The following TCF7L1 variants were observed in gnomAD, a reference collection of about 807,000 sequenced individuals.
The protein encoded by TCF7L1 is transcription factor 7-like 1.
In TCF7L1, 18 loss-of-function variants were observed where a neutral mutation model predicts 63.7. The observed-to-expected ratio is 0.28, with a 90% CI of 0.20 to 0.42. The LOEUF (loss-of-function observed/expected upper bound fraction) is 0.42. TCF7L1 is among the 10% of genes least tolerant of loss of function. TCF7L1 has a pLI of 1.00. For synonymous variants in TCF7L1, 355 were observed against 340.9 expected (o/e 1.04, Z -0.46); for missense variants, 654 against 779.3 (o/e 0.84, Z 1.91).
intron 3 of TCF7L1, among the ~76,000 whole-genome samples, chr2:85,176,986 CAAAAAAAAAA>C (rs774094748): frequency 3.0e-5 from 2 of 66,808 alleles, no homozygotes; most frequent in Non-Finnish European, 6.6e-5. Flanking sequence ...GACTCTGTCT[CAAAAAAAAAA>C]AAAAAAAAAA....
At chr2:85,262,028 A>G (rs1680867857) in intron 3 of TCF7L1, 3 of 526,266 alleles carry the variant, frequency 5.7e-6, no homozygotes, top group Non-Finnish European at 1.1e-5. Flanking sequence ...TTCTCACTTC[A>G]TTGATCATTT....
At chr2:85,180,217 T>G (rs532071022) in intron 3 of TCF7L1, among the ~76,000 whole-genome samples, 23 of 150,542 alleles carry the variant, frequency 1.5e-4, no homozygotes, top group African/African-American at 5.7e-4. Context: ...GTGGTTTTTT[T>G]TTTTGTTTTT....
At chr2:85,246,068 G>A (rs758343991) in intron 3 of TCF7L1, among the ~76,000 whole-genome samples, 11 of 152,164 alleles carry the variant, frequency 7.2e-5, no homozygotes, top group South Asian at 6.2e-4. Context: ...ATGCAATGGT[G>A]TTATTTATTG....
chr2:85,303,954 G>A lies in TCF7L1; in HGVS notation c.718G>A (p.Ala240Thr). Residue 240 changes from alanine to threonine, a missense_variant, in exon 6 of 12, where the codon GCT (alanine) becomes ACT (threonine). Around this residue, in one of 3 missense-constraint regions of TCF7L1, gnomAD observed 404 missense variants for 454.8 expected, o/e 0.89. Transcript: ENST00000282111. ...LSPYYPLSPG[A>T]VGQIPHPLGW... ...ACCGTATTACCCACTCTCTCCCGGAGCTGTCGGACAAATCCCCCACCCCCT... is the reference window on the plus strand; with the variant it reads ...ACCGTATTACCCACTCTCTCCCGGAACTGTCGGACAAATCCCCCACCCCCT... 1.2e-6 allele frequency: 2 copies of A among 1,613,720 alleles called. No homozygotes were observed. The highest frequency in any genetic ancestry group is 1.7e-6 in the Non-Finnish European group (2 of 1,179,830).
chr2:85,134,589 TCTGGCGG>T lies in TCF7L1; in HGVS notation c.441+141_441+147del. The T allele has an allele frequency of 4.0e-6, 5 of 1,262,080 alleles. No individual in the cohort carries two copies. Among genetic ancestry groups the T allele is most frequent in the Non-Finnish European group, 5.3e-6 (5 of 940,742 alleles). 78.2% of individuals were successfully genotyped at this position (1,262,080 alleles called of 1,614,324 possible). A position where few individuals can be genotyped will look rare whatever the true frequency, so the allele number is the denominator to read the frequency against. ...ACTTGTTTGCGGAGTTGAACTACTC[TCTGGCGG>T]CCGAGCGCGAGGCTGCGCTGGCCAG... On this transcript the variant is annotated intron_variant, in intron 3 of 11. Transcript: ENST00000282111. This position sits in a 1 kb window ranked among gnomAD's most constrained non-coding sequence, Gnocchi z 5.0.
At chr2:85,302,932 C>A (rs1357539542) in intron 5 of TCF7L1, among the ~76,000 whole-genome samples, 4 of 152,262 alleles carry the variant, frequency 2.6e-5, no homozygotes, top group Admixed American at 1.3e-4. Flanking sequence ...TGCTTCCCTA[C>A]ACCAAGACAT....
At chr2:85,277,694 G>T (rs370149093) in intron 3 of TCF7L1, among the ~76,000 whole-genome samples, 1 of 152,206 alleles carries the variant, frequency 6.6e-6, no homozygotes, top group Non-Finnish European at 1.5e-5. Context: ...AGCGGAAGGC[G>T]TTCTCTGGGC....
intron 3 of TCF7L1, among the ~76,000 whole-genome samples, chr2:85,176,435 G>A (rs911566019): frequency 2.6e-5 from 4 of 152,100 alleles, no homozygotes; most frequent in South Asian, 2.1e-4. Context: ...AGCTCCACTC[G>A]TAGGGAATTT....
chr2:85,185,038 T>A (rs565589204), intron 3 of TCF7L1, among the ~76,000 whole-genome samples: 39 of 152,282 alleles, frequency 2.6e-4, no homozygotes, highest in Non-Finnish European at 2.4e-4. Context: ...TGACTCCACA[T>A]CTAGAGCTTG....
At chr2:85,304,453 C>A (rs1436473992) in intron 7 of TCF7L1, 115 bp downstream of exon 7, 4 of 1,073,094 alleles carry the variant, frequency 3.7e-6, no homozygotes, top group Non-Finnish European at 5.4e-6. Flanking sequence ...CACCCTCCCC[C>A]CACCTCTCTT....
At chr2:85,304,050 G>C (rs1404748800) in intron 6 of TCF7L1, 53 bp downstream of exon 6, 1 of 1,431,502 alleles carries the variant, frequency 7.0e-7, no homozygotes, top group Non-Finnish European at 9.7e-7. Flanking sequence ...GCTGAGCTCT[G>C]CCTCTGTGCC....
At chr2:85,151,150 A>C (rs1486248126) in intron 3 of TCF7L1, among the ~76,000 whole-genome samples, 1 of 152,146 alleles carries the variant, frequency 6.6e-6, no homozygotes, top group Non-Finnish European at 1.5e-5. Context: ...CTATACTGCA[A>C]GATTTTGGAG....
intron 4 of TCF7L1, among the ~76,000 whole-genome samples, chr2:85,302,168 A>G (rs1166140058): frequency 6.6e-6 from 1 of 152,086 alleles, no homozygotes; most frequent in Non-Finnish European, 1.5e-5. Context: ...TTTTAGATTC[A>G]ATGAGATGAC....
chr2:85,196,701 G>A (rs150351861), intron 3 of TCF7L1, among the ~76,000 whole-genome samples: 376 of 152,264 alleles, frequency 2.5e-3, no homozygotes, highest in Non-Finnish European at 4.9e-3. Flanking sequence ...TGATTCCAAT[G>A]TGTAGTCAAG....
At position 85,133,903 on chromosome 2, in the gene TCF7L1, G is replaced by T; in HGVS notation, c.219G>T (p.Ser73=). The T allele has an allele frequency of 6.6e-7, 1 of 1,523,180 alleles. No homozygotes were observed. 94.4% of individuals were successfully genotyped at this position (1,523,180 alleles called of 1,614,324 possible). A position where few individuals can be genotyped will look rare whatever the true frequency, so the allele number is the denominator to read the frequency against. The part of the protein sequence containing the change: ...DEVKSSLVNE[S]ENQSSSSDSE... ...TCAAGTCGTCCCTGGTCAACGAGTC[G>T]GAGAACCAGAGCAGCAGCTCGGACT... Residue 73 remains serine, a synonymous_variant, in exon 1 of 12, where the codon TCG becomes TCT. Coordinates refer to ENST00000282111, the MANE Select transcript of TCF7L1 (RefSeq NM_031283.3). The surrounding 1 kb of genome is among the most constrained non-coding windows in gnomAD (Gnocchi z 4.4).
intron 4 of TCF7L1, among the ~76,000 whole-genome samples, chr2:85,293,212 C>A (rs1681766608): frequency 6.6e-6 from 1 of 151,806 alleles, no homozygotes; most frequent in Non-Finnish European, 1.5e-5. Flanking sequence ...AATCTTGTGT[C>A]TAACTGTAAT....
At chr2:85,265,309 GA>G (rs1348875111) in intron 3 of TCF7L1, among the ~76,000 whole-genome samples, 1 of 151,122 alleles carries the variant, frequency 6.6e-6, no homozygotes, top group Non-Finnish European at 1.5e-5. Flanking sequence ...AAAAAAAGTA[GA>G]TGCTTAAGCC....
intron 3 of TCF7L1, among the ~76,000 whole-genome samples, chr2:85,273,529 T>G (rs1681202388): frequency 6.6e-6 from 1 of 152,128 alleles, no homozygotes; most frequent in African/African-American, 2.4e-5. Flanking sequence ...TGGGCAAGGG[T>G]GTGGGGAAAT....
At chr2:85,178,893 G>GC (rs1369491352) in intron 3 of TCF7L1, among the ~76,000 whole-genome samples, 1 of 152,150 alleles carries the variant, frequency 6.6e-6, no homozygotes, top group African/African-American at 2.4e-5. Context: ...TGGATCTCCT[G>GC]CCTACAGCCT....
Sources: gnomAD v4.1 joint callset for allele counts (sites outside exome capture counted in the v4.1 genomes callset) on GRCh38, gnomAD v4.1.1 for gene constraint, gnomAD v4.1.1 regional missense constraint, Gnocchi (gnomAD v3.1) non-coding constraint, MANE v1.5 for transcripts, NCBI Gene and HGNC (gene_info 2026-07-23, HGNC 2026-07-21) for gene names.